The following ALMS1 variants were observed in gnomAD, a reference collection of about 807,000 sequenced individuals.
The protein encoded by ALMS1 is centrosome-associated protein ALMS1.
ALMS1 carries 271 observed loss-of-function variants against 352.2 expected under a neutral mutation model. The ratio of observed to expected loss-of-function variants is 0.77; its 90% CI spans 0.70 to 0.85. ALMS1 has a LOEUF of 0.85. ALMS1 is among the 40% of genes least tolerant of loss of function. The pLI, the probability that ALMS1 is intolerant of heterozygous loss-of-function variation, is 0.00. For missense variants in ALMS1, 5,445 were observed against 4,870.7 expected (o/e 1.12, Z -3.51); for synonymous variants, 1,865 against 1,761.2 (o/e 1.06, Z -1.48).
chr2:73,523,917 G>A (rs901896621), intron 11 of ALMS1, among the ~76,000 whole-genome samples: 1 of 152,128 alleles, frequency 6.6e-6, no homozygotes, highest in African/African-American at 2.4e-5. Context: ...CAGGATATAA[G>A]AGAAAACCGT....
intron 10 of ALMS1, among the ~76,000 whole-genome samples, chr2:73,503,378 T>A (rs1157312422): frequency 5.3e-5 from 8 of 152,180 alleles, no homozygotes; most frequent in Admixed American, 5.2e-4. Context: ...TATAGTTTAC[T>A]GAGAATGATG....
At chr2:73,475,026 C>T (rs1290829166) in intron 9 of ALMS1, among the ~76,000 whole-genome samples, 2 of 151,900 alleles carry the variant, frequency 1.3e-5, no homozygotes, top group East Asian at 3.9e-4. Flanking sequence ...CCTTCTTTTA[C>T]TTAGCATAGT....
intron 16 of ALMS1, among the ~76,000 whole-genome samples, chr2:73,591,915 T>C (rs75307358): frequency 2.1e-3 from 326 of 152,378 alleles, no homozygotes; most frequent in Non-Finnish European, 3.5e-3. Context: ...TCCTGTGAGT[T>C]AATTGAGTGT....
rs575085944 is a variant in ALMS1, at chr2:73,409,448, G to C, written c.450+701G>C. Among the ~76,000 whole-genome samples, 3 of 152,142 alleles carry C rather than the reference G, an allele frequency of 2.0e-5. No individual in the cohort carries two copies. In the East Asian group the frequency reaches 5.8e-4, roughly 29 times the overall value. On this transcript the variant is annotated intron_variant, in intron 2 of 22. Coordinates refer to ENST00000613296, the MANE Select transcript of ALMS1 (RefSeq NM_001378454.1). The stretch of plus-strand genomic sequence containing the variant: ...TTATATTCTTCACAAGTATTCTTAA[G>C]AGCTTTTGTTTATGTGGATTATCTA...
Position 73,404,899 on chromosome 2 carries a change from CTTTTTTTTTTTT to C in ALMS1, c.325-3704_325-3693del, listed in dbSNP as rs58122480. ...CCAGTGAAGCTTTCTTGTCCTGGAC[CTTTTTTTTTTTT>C]TTTTTTTTTTTTTTTTTTGAGACAG... On this transcript the variant is annotated intron_variant, in intron 1 of 22. Coordinates refer to ENST00000613296, the MANE Select transcript of ALMS1 (RefSeq NM_001378454.1). Among the ~76,000 whole-genome samples, 33 of 60,782 alleles carry C rather than the reference CTTTTTTTTTTTT, an allele frequency of 5.4e-4. No homozygotes were observed. In the South Asian group the frequency reaches 0.012, roughly 22 times the overall value. The allele number at this position is 60,782 out of a possible 152,430, so 39.9% of individuals were successfully genotyped here.
Position 73,573,274 on chromosome 2 carries a change from A to C in ALMS1, c.11397A>C (p.Val3799=). The C allele has an allele frequency of 6.2e-7, 1 of 1,614,094 alleles. No homozygotes were observed. Among genetic ancestry groups the C allele is most frequent in the Non-Finnish European group, 8.5e-7 (1 of 1,179,966 alleles). The part of the protein sequence containing the change: ...RLIQAFGHER[V]CLSPRRIKLY... ...TTCAAGCTTTTGGCCATGAAAGAGT[A>C]TGCTTGTCACCCAGACGAATTAAAT... The change falls in exon 16 of 23, where the codon GTA becomes GTC. Residue 3799 remains valine, a synonymous_variant. Coordinates refer to ENST00000613296, the MANE Select transcript of ALMS1 (RefSeq NM_001378454.1).
At chr2:73,482,008 T>G (rs1672717916) in intron 9 of ALMS1, among the ~76,000 whole-genome samples, 1 of 152,172 alleles carries the variant, frequency 6.6e-6, no homozygotes, top group Non-Finnish European at 1.5e-5. Flanking sequence ...AGATATACAA[T>G]CATGTCATCT....
At chr2:73,571,443 C>T (rs1197127368) in intron 15 of ALMS1, among the ~76,000 whole-genome samples, 1 of 152,104 alleles carries the variant, frequency 6.6e-6, no homozygotes, top group African/African-American at 2.4e-5. Context: ...GTCTCTGCTT[C>T]CAAAATGGTG....
intron 1 of ALMS1, among the ~76,000 whole-genome samples, chr2:73,392,260 ATGTG>A (rs60487895): frequency 0.58 from 84,754 of 146,232 alleles, 25,724 homozygotes; most frequent in East Asian, 0.9. Flanking sequence ...GTTTACTTTG[ATGTG>A]TGTGTGTGTG....
intron 11 of ALMS1, among the ~76,000 whole-genome samples, chr2:73,526,484 T>C (rs1673793796): frequency 2.0e-5 from 3 of 152,190 alleles, no homozygotes; most frequent in Admixed American, 2.0e-4. Context: ...TGTTTTATAG[T>C]TTCCTTTATA....
intron 16 of ALMS1, among the ~76,000 whole-genome samples, chr2:73,574,724 A>G (rs917439089): frequency 6.6e-5 from 10 of 152,206 alleles, no homozygotes; most frequent in African/African-American, 2.2e-4. Flanking sequence ...GGGGAGATAG[A>G]TAAATGGATC....
chr2:73,523,335 CTT>C (rs1673723312), intron 11 of ALMS1, among the ~76,000 whole-genome samples: 1 of 152,178 alleles, frequency 6.6e-6, no homozygotes, highest in Non-Finnish European at 1.5e-5. Flanking sequence ...AGGCATCAAC[CTT>C]TTGTCTCATT....
chr2:73,392,443 A>G (rs1670669990), intron 1 of ALMS1, among the ~76,000 whole-genome samples: 1 of 152,182 alleles, frequency 6.6e-6, no homozygotes, highest in Admixed American at 6.5e-5. Flanking sequence ...ATGTGCCATC[A>G]TGATCACGGT....
rs529600949 is a variant in ALMS1 at position 73,452,362 on chromosome 2, G to A, written c.5835G>A (p.Glu1945=). 2.3e-5 allele frequency: 37 copies of A among 1,614,072 alleles called. No individual in the cohort carries two copies. In the South Asian group the frequency reaches 3.5e-4, roughly 15 times the overall value. Residue 1945 remains glutamate (E), a synonymous_variant, in exon 8 of 23, where the codon GAG becomes GAA. Coordinates refer to ENST00000613296, the MANE Select transcript of ALMS1 (RefSeq NM_001378454.1). ...TVPLSYYSRR[E]KPSVISQQEL... ...CTTTAAGTTACTACTCACGTAGAGAGAAGCCCAGTGTTATCTCTCAACAGG... is the reference window on the plus strand; with the variant it reads ...CTTTAAGTTACTACTCACGTAGAGAAAAGCCCAGTGTTATCTCTCAACAGG...
intron 10 of ALMS1, among the ~76,000 whole-genome samples, chr2:73,509,316 A>G (rs1269746606): frequency 6.6e-6 from 1 of 152,192 alleles, no homozygotes; most frequent in East Asian, 1.9e-4. Context: ...TATTTTGCCC[A>G]TTAGTTGATG....
chr2:73,491,009 A>T lies in ALMS1; in HGVS notation c.9050A>T (p.Asn3017Ile). 6.2e-7 allele frequency: 1 copy of T among 1,614,230 alleles called. No homozygotes were observed. The change falls in exon 10 of 23, where the codon AAT (asparagine) becomes ATT (isoleucine). Residue 3017 changes from asparagine to isoleucine, a missense_variant. Coordinates refer to ENST00000613296, the MANE Select transcript of ALMS1 (RefSeq NM_001378454.1). ...AATATAAATGTTGAAGCCAAGTTCA[A>T]TACTGTGGTCTCCCAGTCAGCCCCA... ...ISNINVEAKFNTVVSQSAPNH... is the reference protein window; with the variant it reads ...ISNINVEAKFITVVSQSAPNH...
At position 73,490,777 on chromosome 2, in the gene ALMS1, C is replaced by G; in HGVS notation, c.8818C>G (p.His2940Asp). The G allele has an allele frequency of 1.2e-6, 2 of 1,614,026 alleles. No individual in the cohort carries two copies. Among genetic ancestry groups the G allele is most frequent in the South Asian group, 2.2e-5 (2 of 91,078 alleles). Residue 2940 changes from histidine (H) to aspartate (D), a missense_variant, in exon 10 of 23, where the codon CAT becomes GAT. Physicochemically the swap from His to Asp is moderately conservative, Grantham distance 81. Transcript: ENST00000613296. ...ACAGTGCAAAGCCCCATATGTAGAT[C>G]ATCAAATGAGAGAAAACCATTCTCC... ...FEQCKAPYVD[H>D]QMRENHSPLP...
intron 16 of ALMS1, 111 bp downstream of exon 16, chr2:73,573,535 AC>A: frequency 1.9e-6 from 2 of 1,040,782 alleles, no homozygotes; most frequent in Non-Finnish European, 2.9e-6. Flanking sequence ...TCCTCTCTAT[AC>A]CATTTCTTAC....
At chr2:73,484,131 T>G (rs1446378689) in intron 9 of ALMS1, among the ~76,000 whole-genome samples, 2 of 151,696 alleles carry the variant, frequency 1.3e-5, no homozygotes, top group East Asian at 3.9e-4. Context: ...GTTAGCTGGT[T>G]ATTTTGCTCA....
Sources: gnomAD v4.1 joint callset for allele counts (sites outside exome capture counted in the v4.1 genomes callset) on GRCh38, gnomAD v4.1.1 for gene constraint, MANE v1.5 for transcripts, NCBI Gene and HGNC (gene_info 2026-07-23, HGNC 2026-07-21) for gene names.